IKZF1: variants seen among roughly 807,000 people sequenced by gnomAD.
The protein encoded by IKZF1 is IKAROS family zinc finger 1, also known as DNA-binding protein Ikaros.
IKZF1 carries 10 observed loss-of-function variants against 51.7 expected under a neutral mutation model. The ratio of observed to expected loss-of-function variants is 0.19; its 90% CI spans 0.12 to 0.33. The LOEUF is 0.33. Among genes scored for constraint, IKZF1 ranks in the 10% least tolerant of loss-of-function variants. The probability of loss-of-function intolerance (pLI) is 1.00; values close to 1 mark genes in which losing one functional copy is unlikely to be tolerated. For missense variants in IKZF1, 484 were observed against 707.5 expected (o/e 0.68, Z 3.58); for synonymous variants, 280 against 282.3 (o/e 0.99, Z 0.08).
chr7:50,350,827 T>A (rs559642642), intron 3 of IKZF1, among the ~76,000 whole-genome samples: 2 of 152,228 alleles, frequency 1.3e-5, no homozygotes, highest in African/African-American at 4.8e-5. Context: ...AGCTGGGCTC[T>A]GGTAGCGCTT....
At chr7:50,387,597 G>A in intron 6 of IKZF1, 127 bp downstream of exon 6, 1 of 1,372,556 alleles carries the variant, frequency 7.3e-7, no homozygotes, top group Non-Finnish European at 9.5e-7. Context: ...CTAGGAGGGA[G>A]GGAAGTTTTT....
intron 3 of IKZF1, among the ~76,000 whole-genome samples, chr7:50,346,256 A>G (rs1049205079): frequency 5.3e-5 from 8 of 152,252 alleles, no homozygotes; most frequent in Admixed American, 2.0e-4. Context: ...GCCCCAGTGC[A>G]TAAGTTCTTC....
chr7:50,404,830 CT>C lies in IKZF1; in HGVS notation c.*4207del. 1 of 226,076 alleles carries C rather than the reference CT, an allele frequency of 4.4e-6. No individual in the cohort carries two copies. The highest frequency in any genetic ancestry group is 8.8e-6 in the Non-Finnish European group (1 of 113,586). The allele number at this position is 226,076 out of a possible 1,614,324, so 14.0% of individuals were successfully genotyped here. The stretch of plus-strand genomic sequence containing the variant: ...TCATAAGAATTATCCTCAACATAGC[CT>C]TTTGACGCTGTAAATCTTGAGTATT... On this transcript the variant is annotated 3_prime_UTR_variant, in exon 8 of 8. Coordinates refer to ENST00000331340, the MANE Select transcript of IKZF1 (RefSeq NM_006060.6).
At chr7:50,386,012 A>T (rs1040788521) in intron 5 of IKZF1, among the ~76,000 whole-genome samples, 5 of 152,236 alleles carry the variant, frequency 3.3e-5, no homozygotes, top group Non-Finnish European at 7.3e-5. Context: ...ATTGTACCAA[A>T]CATTTCTATT....
intron 3 of IKZF1, among the ~76,000 whole-genome samples, chr7:50,364,425 G>T (rs1041661397): frequency 6.6e-6 from 1 of 152,190 alleles, no homozygotes; most frequent in Non-Finnish European, 1.5e-5. Context: ...AATATATTTT[G>T]TAAAATGTAG....
chr7:50,336,898 G>T (rs1222291572), intron 3 of IKZF1, among the ~76,000 whole-genome samples: 2 of 152,212 alleles, frequency 1.3e-5, no homozygotes, highest in African/African-American at 4.8e-5. Flanking sequence ...CAGGACCACA[G>T]GGGCCCTGGG....
chr7:50,346,143 G>T (rs1800305092), intron 3 of IKZF1, among the ~76,000 whole-genome samples: 1 of 152,164 alleles, frequency 6.6e-6, no homozygotes, highest in Non-Finnish European at 1.5e-5. Context: ...CACAGAGCTA[G>T]CCATGTGCAC....
At chr7:50,328,028 G>A (rs1236357192) in intron 3 of IKZF1, 1 of 391,572 alleles carries the variant, frequency 2.6e-6, no homozygotes, top group Non-Finnish European at 4.7e-6. Context: ...CTCTGTCACT[G>A]TCCTCTGTCC....
At chr7:50,378,370 C>T (rs1810906209) in intron 4 of IKZF1, among the ~76,000 whole-genome samples, 4 of 152,180 alleles carry the variant, frequency 2.6e-5, no homozygotes, top group Admixed American at 1.3e-4. Context: ...AGAGTAGTCC[C>T]AGCCTCGCCT....
At chr7:50,332,027 G>A (rs1302499742) in intron 3 of IKZF1, among the ~76,000 whole-genome samples, 3 of 152,206 alleles carry the variant, frequency 2.0e-5, no homozygotes, top group Non-Finnish European at 4.4e-5. Context: ...CTCTGAAGTG[G>A]TTGTGTATGA....
rs1818668671 is a variant in IKZF1, at chr7:50,404,493, G to A, written c.*3866G>A. On this transcript the variant is annotated 3_prime_UTR_variant, in exon 8 of 8. Transcript: ENST00000331340. ...GCGTAAGAGAAGGCCCAGCAGAGCA[G>A]GAATCTGCCTAGACTTTCTCCCAAT... 1 of 229,862 alleles carries A rather than the reference G, an allele frequency of 4.4e-6. No individual in the cohort carries two copies. Among genetic ancestry groups the A allele is most frequent in the Non-Finnish European group, 8.6e-6 (1 of 115,944 alleles). 14.2% of individuals were successfully genotyped at this position (229,862 alleles called of 1,614,324 possible).
chr7:50,333,484 T>G (rs1366674975), intron 3 of IKZF1, among the ~76,000 whole-genome samples: 1 of 152,204 alleles, frequency 6.6e-6, no homozygotes, highest in East Asian at 1.9e-4. Flanking sequence ...CCTGCTTATC[T>G]AATCAGCAGC....
At chr7:50,333,936 C>A (rs1796979579) in intron 3 of IKZF1, among the ~76,000 whole-genome samples, 1 of 152,132 alleles carries the variant, frequency 6.6e-6, no homozygotes. Flanking sequence ...GGAAAGCCTC[C>A]CCTTTTTCAA....
Position 50,403,681 on chromosome 7 carries a change from A to G in IKZF1, c.*3054A>G, listed in dbSNP as rs1437277290. 2 of 228,684 alleles carry G rather than the reference A, an allele frequency of 8.7e-6. No homozygotes were observed. The highest frequency in any genetic ancestry group is 1.7e-5 in the Non-Finnish European group (2 of 115,246). 14.2% of individuals were successfully genotyped at this position (228,684 alleles called of 1,614,324 possible). ...AGCAAAGGGTAAAGTCCTAGCACCA[A>G]TTGCTTCACATACCAGCATGTTCCA... On this transcript the variant is annotated 3_prime_UTR_variant, in exon 8 of 8. Coordinates refer to ENST00000331340, the MANE Select transcript of IKZF1 (RefSeq NM_006060.6).
At chr7:50,314,915 C>T (rs964508779) in intron 1 of IKZF1, among the ~76,000 whole-genome samples, 2 of 152,344 alleles carry the variant, frequency 1.3e-5, no homozygotes, top group South Asian at 2.1e-4. Context: ...GTCCCAGTCC[C>T]GCCTCGGTGT....
chr7:50,397,397 T>A (rs1158725580), intron 7 of IKZF1, among the ~76,000 whole-genome samples: 1 of 152,232 alleles, frequency 6.6e-6, no homozygotes, highest in East Asian at 1.9e-4. Flanking sequence ...GGCACAGTAA[T>A]CTGGCATATA....
chr7:50,347,557 A>G (rs1401934166), intron 3 of IKZF1, among the ~76,000 whole-genome samples: 3 of 152,220 alleles, frequency 2.0e-5, no homozygotes, highest in African/African-American at 7.2e-5. Context: ...AAAACATGCC[A>G]TTGTCTCCCC....
intron 3 of IKZF1, among the ~76,000 whole-genome samples, chr7:50,357,999 G>A (rs927430864): frequency 6.6e-6 from 1 of 152,190 alleles, no homozygotes; most frequent in Admixed American, 6.5e-5. Flanking sequence ...TGTCTAGGAA[G>A]GACATAGCAT....
At chr7:50,331,937 G>C (rs1796522501) in intron 3 of IKZF1, among the ~76,000 whole-genome samples, 1 of 152,204 alleles carries the variant, frequency 6.6e-6, no homozygotes, top group Middle Eastern at 3.2e-3. Flanking sequence ...GGAGAGTTTA[G>C]TCATCAGAAT....
Sources: gnomAD v4.1 joint callset for allele counts (sites outside exome capture counted in the v4.1 genomes callset) on GRCh38, gnomAD v4.1.1 for gene constraint, MANE v1.5 for transcripts, NCBI Gene and HGNC (gene_info 2026-07-23, HGNC 2026-07-21) for gene names.